Variants in MYO6 observed in about 807,000 individuals in gnomAD.
MYO6 encodes myosin VI.
In MYO6, 74 loss-of-function variants were observed where a neutral mutation model predicts 178.7. The ratio of observed to expected loss-of-function variants is 0.41; its 90% CI spans 0.34 to 0.50. The LOEUF (loss-of-function observed/expected upper bound fraction) is 0.50. MYO6 is among the 20% of genes least tolerant of loss of function. The pLI, the probability that MYO6 is intolerant of heterozygous loss-of-function variation, is 0.09. For synonymous variants in MYO6, 477 were observed against 504.6 expected, an observed-to-expected ratio of 0.95 and a Z score of 0.73; for missense variants, 1,330 against 1,547.4, an observed-to-expected ratio of 0.86 and a Z score of 2.36.
At chr6:75,817,799 C>T (rs1337779194) in intron 2 of MYO6, 135 bp downstream of exon 2, 15 of 800,740 alleles carry the variant, frequency 1.9e-5, no homozygotes, top group Admixed American at 8.2e-5. Context: ...TCTGTTTTCT[C>T]CTGACTTCTT....
At chr6:75,761,151 G>A (rs1369294016) in intron 1 of MYO6, among the ~76,000 whole-genome samples, 5 of 152,060 alleles carry the variant, frequency 3.3e-5, no homozygotes, top group African/African-American at 9.7e-5. Context: ...AATACTTTAT[G>A]TACTTATTAT....
chr6:75,886,133 T>A (rs1334713390), intron 24 of MYO6, 39 bp downstream of exon 24: 1 of 1,328,220 alleles, frequency 7.5e-7, no homozygotes, highest in East Asian at 2.3e-5. Flanking sequence ...CTACAAAACC[T>A]AGTTACTGTA....
At chr6:75,867,213 CA>C (rs1338870539) in intron 18 of MYO6, 108 bp downstream of exon 18, 55 of 871,072 alleles carry the variant, frequency 6.3e-5, no homozygotes, top group South Asian at 6.2e-4. Flanking sequence ...CAGTGAAGTT[CA>C]AGAGCAGACC....
In MYO6 at chr6:75,912,005, C is replaced by T. The variant is rs370542478; in HGVS notation, c.3439+307C>T. Among the ~76,000 whole-genome samples, 25 of 152,094 alleles carry T rather than the reference C, an allele frequency of 1.6e-4. No homozygotes were observed. The East Asian group carries it at 2.5e-3, about 15-fold the overall frequency. On this transcript the variant is annotated intron_variant, in intron 33 of 34. Transcript: ENST00000369977. ...ATTCTTATTGTAGCAAAACTCTTAA[C>T]ATAGCAGCTGACCTTTTAGAATAAA...
At chr6:75,810,745 T>G (rs1348087667) in intron 1 of MYO6, among the ~76,000 whole-genome samples, 2 of 152,326 alleles carry the variant, frequency 1.3e-5, no homozygotes, top group East Asian at 3.9e-4. Flanking sequence ...AAAACTGGGC[T>G]GTGCAGGCCT....
chr6:75,883,239 GAAA>G (rs956245952), intron 23 of MYO6, among the ~76,000 whole-genome samples: 2 of 139,760 alleles, frequency 1.4e-5, no homozygotes, highest in African/African-American at 2.6e-5. Context: ...TAAAAACAAA[GAAA>G]AAAAAAACAC....
At chr6:75,820,243 T>C (rs926036401) in intron 2 of MYO6, among the ~76,000 whole-genome samples, 3 of 152,190 alleles carry the variant, frequency 2.0e-5, no homozygotes, top group African/African-American at 7.2e-5. Flanking sequence ...CTTACTCTTG[T>C]GTGCCTCTTT....
chr6:75,862,778 A>T, intron 16 of MYO6, 55 bp downstream of exon 16: 1 of 1,583,772 alleles, frequency 6.3e-7, no homozygotes, highest in Non-Finnish European at 8.7e-7. Flanking sequence ...ATTATTAAAA[A>T]GGTGCATTAG....
intron 30 of MYO6, among the ~76,000 whole-genome samples, chr6:75,904,374 A>G (rs373824106): frequency 6.6e-6 from 1 of 151,704 alleles, no homozygotes; most frequent in Non-Finnish European, 1.5e-5. Context: ...CCAGTCAGAC[A>G]TAGATTTGGT....
In MYO6 at chr6:75,886,061, G is replaced by A. The variant is rs1207187671; in HGVS notation, c.2474G>A (p.Arg825Gln). The A allele has an allele frequency of 5.0e-6, 8 of 1,612,642 alleles. No homozygotes were observed. The highest frequency in any genetic ancestry group is 1.7e-5 in the Admixed American group (1 of 59,992). ...TGCATTAAAATGCAAAAAACTATTC[G>A]AATGTGGCTTTGCAAGAGGAGACAC... is the stretch of plus-strand genomic sequence containing the variant. ...EACIKMQKTI[R>Q]MWLCKRRHKP... The change falls in exon 24 of 35, where the codon CGA becomes CAA. Residue 825 changes from arginine (R) to glutamine (Q), a missense_variant. Coordinates refer to ENST00000369977, the MANE Select transcript of MYO6 (RefSeq NM_004999.4).
chr6:75,749,744 A>G (rs532187613), intron 1 of MYO6, among the ~76,000 whole-genome samples: 2 of 152,110 alleles, frequency 1.3e-5, no homozygotes, highest in South Asian at 4.2e-4. Context: ...ACTCCGTGAT[A>G]GTTTTATTTT....
At chr6:75,904,958 A>C (rs1253432937) in intron 30 of MYO6, among the ~76,000 whole-genome samples, 1 of 152,152 alleles carries the variant, frequency 6.6e-6, no homozygotes, top group Non-Finnish European at 1.5e-5. Flanking sequence ...CAGGACCCTC[A>C]GCTGCAGGTC....
intron 16 of MYO6, 70 bp from the exon 17 acceptor site, chr6:75,866,453 AGTT>A (rs1487145735): frequency 4.2e-6 from 5 of 1,201,474 alleles, no homozygotes; most frequent in Non-Finnish European, 6.1e-6. Flanking sequence ...TTTACATCTC[AGTT>A]GTTTTGTAAA....
At chr6:75,844,540 T>G (rs1410451083) in intron 9 of MYO6, among the ~76,000 whole-genome samples, 1 of 152,134 alleles carries the variant, frequency 6.6e-6, no homozygotes, top group Non-Finnish European at 1.5e-5. Flanking sequence ...CTTGAGATTC[T>G]ACATATTTAG....
Position 75,840,692 on chromosome 6 carries a change from A to G in MYO6, c.651+10A>G, listed in dbSNP as rs775599325. ...ACATTTTAATGAAAAGGTAAGTGAG[A>G]GTAAGCTTTGGAATGATATTTTTGG... is the stretch of plus-strand genomic sequence containing the variant. On this transcript the variant is annotated intron_variant, in intron 8 of 34. Coordinates refer to ENST00000369977, the MANE Select transcript of MYO6 (RefSeq NM_004999.4). The G allele has an allele frequency of 1.3e-6, 2 of 1,587,000 alleles. No homozygotes were observed. The highest frequency in any genetic ancestry group is 2.2e-5 in the East Asian group (1 of 44,708).
intron 30 of MYO6, among the ~76,000 whole-genome samples, chr6:75,901,984 A>C (rs1000476033): frequency 3.3e-5 from 5 of 152,170 alleles, no homozygotes; most frequent in Non-Finnish European, 5.9e-5. Flanking sequence ...TGAGATAATC[A>C]TGTGGTTTTT....
chr6:75,846,504 T>A (rs1774739512), intron 10 of MYO6, among the ~76,000 whole-genome samples: 1 of 152,178 alleles, frequency 6.6e-6, no homozygotes, highest in Non-Finnish European at 1.5e-5. Context: ...AATTTTTGTT[T>A]AATTTGGCAT....
chr6:75,893,386 G>A (rs944911715), intron 28 of MYO6, among the ~76,000 whole-genome samples: 2 of 152,104 alleles, frequency 1.3e-5, no homozygotes, highest in African/African-American at 4.8e-5. Flanking sequence ...AAACTAATTT[G>A]TAAGGTTCCT....
chr6:75,867,436 T>C (rs1776789448), intron 18 of MYO6: 1 of 254,212 alleles, frequency 3.9e-6, no homozygotes, highest in South Asian at 4.8e-5. Context: ...TTCAGCGGTT[T>C]TGTTTTAGCT....
Sources: gnomAD v4.1 joint callset for allele counts (sites outside exome capture counted in the v4.1 genomes callset) on GRCh38, gnomAD v4.1.1 for gene constraint, MANE v1.5 for transcripts, NCBI Gene and HGNC (gene_info 2026-07-23, HGNC 2026-07-21) for gene names.